DPYSL2: variants seen among roughly 807,000 people sequenced by gnomAD.
DPYSL2 encodes the protein dihydropyrimidinase-related protein 2.
DPYSL2 carries 13 observed loss-of-function variants against 69.9 expected under a neutral mutation model. The ratio of observed to expected loss-of-function variants is 0.19; its 90% CI spans 0.12 to 0.30. The LOEUF (loss-of-function observed/expected upper bound fraction) is 0.30. DPYSL2 is among the 10% of genes least tolerant of loss of function. The pLI, the probability that DPYSL2 is intolerant of heterozygous loss-of-function variation, is 1.00. For missense variants in DPYSL2, 587 were observed against 918.9 expected, an observed-to-expected ratio of 0.64 and a Z score of 4.67; for synonymous variants, 326 against 359.1, an observed-to-expected ratio of 0.91 and a Z score of 1.04.
chr8:26,652,457 G>T lies in DPYSL2; in HGVS notation c.1776+21G>T. ...GCAGGGTGAGTAGTTTTGTTCTGAT[G>T]AATTTTTTGTTAAATCACGAATTAA... is the stretch of plus-strand genomic sequence containing the variant. On this transcript the variant is annotated intron_variant, in intron 12 of 13. Coordinates refer to ENST00000521913, the MANE Select transcript of DPYSL2 (RefSeq NM_001197293.3). The surrounding 1 kb of genome is among the most constrained non-coding windows in gnomAD (Gnocchi z 6.3). The T allele has an allele frequency of 1.3e-6, 2 of 1,579,384 alleles. No individual in the cohort carries two copies. Among genetic ancestry groups the T allele is most frequent in the Non-Finnish European group, 1.7e-6 (2 of 1,160,464 alleles).
chr8:26,613,687 AG>A (rs1481483189), intron 3 of DPYSL2, among the ~76,000 whole-genome samples: 2 of 152,198 alleles, frequency 1.3e-5, no homozygotes. Context: ...GAAATGACAG[AG>A]GAGAGGGAGA....
chr8:26,619,914 G>A lies in DPYSL2; in HGVS notation c.629-4229G>A, dbSNP rs1003357747. Reference sequence around the variant, plus strand: ...TACTGTGCACCCTGAAGTCTGAGGAGTCTAGCACCAGATGATCTGACGACA... The same window carrying A: ...TACTGTGCACCCTGAAGTCTGAGGAATCTAGCACCAGATGATCTGACGACA... On this transcript the variant is annotated intron_variant, in intron 3 of 13. Coordinates refer to ENST00000521913, the MANE Select transcript of DPYSL2 (RefSeq NM_001197293.3). This position sits in a 1 kb window ranked among gnomAD's most constrained non-coding sequence, Gnocchi z 4.8. 2 of 152,204 alleles carry A rather than the reference G, an allele frequency of 1.3e-5. No individual in the cohort carries two copies. Among genetic ancestry groups the A allele is most frequent in the African/African-American group, 4.8e-5 (2 of 41,426 alleles). The allele number at this position is 152,204 out of a possible 1,614,324, so 9.4% of individuals were successfully genotyped here.
chr8:26,551,848 C>CT (rs1800879508), intron 1 of DPYSL2, among the ~76,000 whole-genome samples: 1 of 152,176 alleles, frequency 6.6e-6, no homozygotes, highest in Admixed American at 6.6e-5. Context: ...AGGTCTTGCT[C>CT]TATCTCTCAG....
intron 7 of DPYSL2, among the ~76,000 whole-genome samples, chr8:26,633,368 G>C (rs929840813): frequency 1.3e-5 from 2 of 152,208 alleles, no homozygotes; most frequent in Non-Finnish European, 2.9e-5. Context: ...GCTGATTGGT[G>C]ATTCCTCTGT....
chr8:26,544,313 T>G (rs1800730785), intron 1 of DPYSL2, among the ~76,000 whole-genome samples: 1 of 152,188 alleles, frequency 6.6e-6, no homozygotes, highest in African/African-American at 2.4e-5. Context: ...TTCCTTCTCC[T>G]CCTTTCTCCC....
At chr8:26,554,792 A>T (rs1033753236) in intron 1 of DPYSL2, among the ~76,000 whole-genome samples, 1 of 152,202 alleles carries the variant, frequency 6.6e-6, no homozygotes, top group African/African-American at 2.4e-5. Context: ...TTACCCTAAT[A>T]CCAAAACCAG....
intron 1 of DPYSL2, among the ~76,000 whole-genome samples, chr8:26,556,054 A>G (rs1219120176): frequency 1.1e-5 from 1 of 88,230 alleles, no homozygotes; most frequent in Non-Finnish European, 2.1e-5. Context: ...TTTATAGTAT[A>G]TATAAATTAT....
At position 26,643,395 on chromosome 8, in the gene DPYSL2, C is replaced by G; in HGVS notation, c.1127-44C>G. The G allele has an allele frequency of 1.3e-6, 2 of 1,536,382 alleles. No homozygotes were observed. Among genetic ancestry groups the G allele is most frequent in the Non-Finnish European group, 8.7e-7 (1 of 1,143,734 alleles). The stretch of plus-strand genomic sequence containing the variant: ...CTCCTCATAGGGGTGGTTCCCTTCC[C>G]CCTGCATTGTGTTGGACTGAACCTT... On this transcript the variant is annotated intron_variant, in intron 8 of 13. Coordinates refer to ENST00000521913, the MANE Select transcript of DPYSL2 (RefSeq NM_001197293.3). The surrounding 1 kb of genome is among the most constrained non-coding windows in gnomAD (Gnocchi z 6.5).
chr8:26,587,775 G>A lies in DPYSL2; in HGVS notation c.628+3792G>A, dbSNP rs946572382. The stretch of plus-strand genomic sequence containing the variant: ...CGGCTGAGGGGTTGCGGGGGCGGCC[G>A]CATTGCTGCTTGGGGAAAACCCTAC... On this transcript the variant is annotated intron_variant, in intron 3 of 13. Coordinates refer to ENST00000521913, the MANE Select transcript of DPYSL2 (RefSeq NM_001197293.3). This position sits in a 1 kb window ranked among gnomAD's most constrained non-coding sequence, Gnocchi z 4.2. Among the ~76,000 whole-genome samples the A allele has an allele frequency of 2.0e-5, 3 of 152,132 alleles. No individual in the cohort carries two copies. Among genetic ancestry groups the A allele is most frequent in the Non-Finnish European group, 2.9e-5 (2 of 68,022 alleles).
In DPYSL2 at chr8:26,650,864, G is replaced by A. The variant is rs1415602890; in HGVS notation, c.1597-1393G>A. Among the ~76,000 whole-genome samples, 1 of 152,250 alleles carries A rather than the reference G, an allele frequency of 6.6e-6. No individual in the cohort carries two copies. The highest frequency in any genetic ancestry group is 2.4e-5 in the African/African-American group (1 of 41,476). ...CTTGTGGTCTGAATGCATGCCGCCT[G>A]TGTGGTCCAGAACAATGTCAAGCTG... On this transcript the variant is annotated intron_variant, in intron 11 of 13. Transcript: ENST00000521913. The surrounding 1 kb of genome is among the most constrained non-coding windows in gnomAD (Gnocchi z 5.3).
intron 4 of DPYSL2, among the ~76,000 whole-genome samples, chr8:26,625,400 G>A (rs1802592203): frequency 6.6e-6 from 1 of 152,214 alleles, no homozygotes; most frequent in Non-Finnish European, 1.5e-5. Flanking sequence ...AAACCAGGCA[G>A]GAGGGTTACC....
At chr8:26,539,064 TC>T (rs1345258609) in intron 1 of DPYSL2, among the ~76,000 whole-genome samples, 1 of 152,204 alleles carries the variant, frequency 6.6e-6, no homozygotes, top group South Asian at 2.1e-4. Flanking sequence ...AATGTTTAGC[TC>T]CCACTAATAA....
chr8:26,519,475 T>A (rs1808350640), intron 1 of DPYSL2, among the ~76,000 whole-genome samples: 1 of 152,218 alleles, frequency 6.6e-6, no homozygotes. Context: ...ATTATATAAC[T>A]CTAGAATGTG....
In DPYSL2 at chr8:26,580,588, G is replaced by A. The variant is rs182669496; in HGVS notation, c.355-1381G>A. On this transcript the variant is annotated intron_variant, in intron 1 of 13. Coordinates refer to ENST00000521913, the MANE Select transcript of DPYSL2 (RefSeq NM_001197293.3). This position sits in a 1 kb window ranked among gnomAD's most constrained non-coding sequence, Gnocchi z 4.1. ...GACAATAAATACTTTCTGAACCAAG[G>A]TGTGTGTATTTATGTGTAAAATTAT... Among the ~76,000 whole-genome samples the A allele has an allele frequency of 2.4e-3, 362 of 151,288 alleles. 2 individuals carry two copies. The highest frequency in any genetic ancestry group is 8.3e-3 in the African/African-American group (345 of 41,478).
rs556742799 is a variant in DPYSL2 at position 26,624,289 on chromosome 8, G to A, written c.775G>A (p.Ala259Thr). Reference sequence around the variant, plus strand: ...TAAGGGCATCCAGGAGGAGATGGAAGCGCTTGTGAAGGATCACGGTAGGTT... The same window carrying A: ...TAAGGGCATCCAGGAGGAGATGGAAACGCTTGTGAAGGATCACGGTAGGTT... Reference protein sequence around the residue: ...WHKGIQEEMEALVKDHGVNSF... With the variant: ...WHKGIQEEMETLVKDHGVNSF... The change falls in exon 4 of 14, where the codon GCG becomes ACG. Residue 259 changes from alanine to threonine, a missense_variant. Physicochemically the swap from Ala to Thr is moderately conservative, Grantham distance 58. Around this residue, in one of 3 missense-constraint regions of DPYSL2, gnomAD observed 452 missense variants for 754.3 expected, o/e 0.60. Coordinates refer to ENST00000521913, the MANE Select transcript of DPYSL2 (RefSeq NM_001197293.3). The surrounding 1 kb of genome is among the most constrained non-coding windows in gnomAD (Gnocchi z 4.7). 3 of 1,614,090 alleles carry A rather than the reference G, an allele frequency of 1.9e-6. No individual in the cohort carries two copies. The highest frequency in any genetic ancestry group is 2.2e-5 in the South Asian group (2 of 91,092).
At chr8:26,615,580 G>A (rs896107142) in intron 3 of DPYSL2, among the ~76,000 whole-genome samples, 2 of 152,126 alleles carry the variant, frequency 1.3e-5, no homozygotes, top group African/African-American at 4.8e-5. Context: ...AGGCAGGTGT[G>A]ATGTTTGGTC....
At chr8:26,606,939 A>G (rs750585430) in intron 3 of DPYSL2, among the ~76,000 whole-genome samples, 2 of 152,242 alleles carry the variant, frequency 1.3e-5, no homozygotes, top group Non-Finnish European at 2.9e-5. Context: ...GCGGATAGGT[A>G]TTTACATTGG....
In DPYSL2 at chr8:26,586,454, C is replaced by T. The variant is rs1585526449; in HGVS notation, c.628+2471C>T. The stretch of plus-strand genomic sequence containing the variant: ...CACTTGCTGGAAAGAATCCCTCAGC[C>T]CACCATCTCCTGTCCTGCATTCCTG... On this transcript the variant is annotated intron_variant, in intron 3 of 13. Transcript: ENST00000521913. This position sits in a 1 kb window ranked among gnomAD's most constrained non-coding sequence, Gnocchi z 4.7. Among the ~76,000 whole-genome samples, 2 of 152,310 alleles carry T rather than the reference C, an allele frequency of 1.3e-5. No individual in the cohort carries two copies. The highest frequency in any genetic ancestry group is 4.8e-5 in the African/African-American group (2 of 41,556).
At position 26,597,775 on chromosome 8, in the gene DPYSL2, CTTTT is replaced by C. The variant is rs374599797; in HGVS notation, c.628+13809_628+13812del. On this transcript the variant is annotated intron_variant, in intron 3 of 13. Coordinates refer to ENST00000521913, the MANE Select transcript of DPYSL2 (RefSeq NM_001197293.3). This position sits in a 1 kb window ranked among gnomAD's most constrained non-coding sequence, Gnocchi z 5.2. The stretch of plus-strand genomic sequence containing the variant: ...AGGCAAGAGCCACCGCACCTGGCCT[CTTTT>C]TTTTTTTTTTTTTTTTGAGGGGCAG... Among the ~76,000 whole-genome samples, 13 of 127,138 alleles carry C rather than the reference CTTTT, an allele frequency of 1.0e-4. No homozygotes were observed. Among genetic ancestry groups the C allele is most frequent in the Non-Finnish European group, 1.3e-4 (8 of 60,310 alleles). The allele number at this position is 127,138 out of a possible 152,430, so 83.4% of individuals were successfully genotyped here.
Sources: gnomAD v4.1 joint callset for allele counts (sites outside exome capture counted in the v4.1 genomes callset) on GRCh38, gnomAD v4.1.1 for gene constraint, gnomAD v4.1.1 regional missense constraint, Gnocchi (gnomAD v3.1) non-coding constraint, MANE v1.5 for transcripts, NCBI Gene and HGNC (gene_info 2026-07-23, HGNC 2026-07-21) for gene names.